The following NBEA variants were observed in gnomAD, a reference collection of about 807,000 sequenced individuals.
NBEA encodes the protein lysosomal-trafficking regulator 2.
In NBEA, 44 loss-of-function variants were observed where a neutral mutation model predicts 343.4. That is an observed-to-expected ratio of 0.13 (90% confidence interval 0.10 to 0.16). The LOEUF (loss-of-function observed/expected upper bound fraction) is 0.16. Among genes scored for constraint, NBEA ranks in the 10% least tolerant of loss-of-function variants. The probability of loss-of-function intolerance (pLI) is 1.00; values close to 1 mark genes in which losing one functional copy is unlikely to be tolerated. For missense variants in NBEA, 2,555 were observed against 3,631.3 expected (o/e 0.70, Z 7.62); for synonymous variants, 1,175 against 1,238.7 (o/e 0.95, Z 1.08).
chr13:35,669,293 A>G (rs1301648901), intron 58 of NBEA, among the ~76,000 whole-genome samples: 1 of 152,224 alleles, frequency 6.6e-6, no homozygotes, highest in African/African-American at 2.4e-5. Flanking sequence ...TGAATATGGC[A>G]TGTGATTTCT....
chr13:35,152,805 T>C (rs1318982096), intron 18 of NBEA, among the ~76,000 whole-genome samples: 1 of 152,112 alleles, frequency 6.6e-6, no homozygotes, highest in Non-Finnish European at 1.5e-5. Flanking sequence ...TGAGATGTGC[T>C]CTAAGTGTTA....
At chr13:35,606,612 TC>T in intron 48 of NBEA, 34 bp downstream of exon 48, 1 of 1,562,458 alleles carries the variant, frequency 6.4e-7, no homozygotes, top group Non-Finnish European at 8.7e-7. Flanking sequence ...TGGGCAGTCA[TC>T]AGGGAGTTAA....
At chr13:35,286,348 T>C (rs951147912) in intron 34 of NBEA, among the ~76,000 whole-genome samples, 3 of 152,136 alleles carry the variant, frequency 2.0e-5, no homozygotes, top group African/African-American at 7.2e-5. Context: ...CAATTAATAT[T>C]TACTGATAAT....
chr13:35,289,227 A>G (rs1183840907), intron 34 of NBEA, among the ~76,000 whole-genome samples: 1 of 151,936 alleles, frequency 6.6e-6, no homozygotes, highest in Non-Finnish European at 1.5e-5. Flanking sequence ...TGTTAAGACC[A>G]TGGCCTGCCT....
At chr13:35,574,226 T>C (rs906615887) in intron 45 of NBEA, among the ~76,000 whole-genome samples, 1 of 151,382 alleles carries the variant, frequency 6.6e-6, no homozygotes, top group African/African-American at 2.4e-5. Context: ...TTGCACTGGT[T>C]ATATAGATTG....
intron 41 of NBEA, among the ~76,000 whole-genome samples, chr13:35,515,413 T>C (rs986369340): frequency 2.0e-5 from 3 of 152,210 alleles, no homozygotes; most frequent in African/African-American, 7.2e-5. Flanking sequence ...AAAATACACA[T>C]AATGACTGTT....
chr13:35,161,032 G>A (rs1178752340), intron 22 of NBEA, among the ~76,000 whole-genome samples: 3 of 152,050 alleles, frequency 2.0e-5, no homozygotes, highest in South Asian at 2.1e-4. Context: ...ATAATATATC[G>A]TGTGTGGGGA....
At chr13:35,660,479 A>G (rs1455088485) in intron 55 of NBEA, among the ~76,000 whole-genome samples, 1 of 152,194 alleles carries the variant, frequency 6.6e-6, no homozygotes, top group Non-Finnish European at 1.5e-5. Flanking sequence ...CTTTTTAAAA[A>G]TAAGTATTTT....
At chr13:35,256,729 A>G (rs533573960) in intron 34 of NBEA, among the ~76,000 whole-genome samples, 1 of 152,248 alleles carries the variant, frequency 6.6e-6, no homozygotes, top group African/African-American at 2.4e-5. Flanking sequence ...CCACCCAAGC[A>G]TGTGCACGCC....
chr13:35,516,134 C>T (rs1432542997), intron 41 of NBEA, among the ~76,000 whole-genome samples: 1 of 152,120 alleles, frequency 6.6e-6, no homozygotes, highest in African/African-American at 2.4e-5. Context: ...GATCATATTA[C>T]AAGCTTAAAT....
chr13:35,558,910 G>C (rs1317760354), intron 44 of NBEA, among the ~76,000 whole-genome samples: 1 of 152,184 alleles, frequency 6.6e-6, no homozygotes, highest in Non-Finnish European at 1.5e-5. Context: ...CCTTGGAAAA[G>C]ATGAGCTTTA....
chr13:35,311,134 A>G (rs181259552), intron 36 of NBEA, among the ~76,000 whole-genome samples: 1 of 152,162 alleles, frequency 6.6e-6, no homozygotes, highest in Admixed American at 6.5e-5. Context: ...AGTGTTTTAC[A>G]TAACAGCACT....
Position 35,211,069 on chromosome 13 carries a change from G to GTCC in NBEA, c.5547_5549dup (p.Ser1855dup). 1 of 1,550,688 alleles carries GTCC rather than the reference G, an allele frequency of 6.4e-7. No homozygotes were observed. Among genetic ancestry groups the GTCC allele is most frequent in the South Asian group, 1.2e-5 (1 of 83,868 alleles). On this transcript the variant is annotated inframe_insertion, in exon 33 of 59. Coordinates refer to ENST00000379939, the MANE Select transcript of NBEA (RefSeq NM_001385012.1). The stretch of plus-strand genomic sequence containing the variant: ...TGGGAACAGGTGCCGTGGATTCAGG[G>GTCC]TCCTCCTCCTCTTCCTCCTCTTCTA...
intron 48 of NBEA, among the ~76,000 whole-genome samples, chr13:35,622,915 T>C (rs1281736915): frequency 6.6e-6 from 1 of 152,152 alleles, no homozygotes; most frequent in African/African-American, 2.4e-5. Context: ...CCAAACCTGC[T>C]AGAGAAAGAA....
intron 45 of NBEA, among the ~76,000 whole-genome samples, chr13:35,583,528 C>T (rs2081152213): frequency 1.3e-5 from 2 of 152,148 alleles, no homozygotes; most frequent in Admixed American, 1.3e-4. Context: ...CTTCACCTTC[C>T]CTCCATTGGG....
intron 17 of NBEA, among the ~76,000 whole-genome samples, chr13:35,138,459 C>CTTT (rs1230686366): frequency 5.0e-4 from 68 of 136,462 alleles, no homozygotes; most frequent in African/African-American, 1.6e-3. Context: ...AATTATGCTA[C>CTTT]TTTTTTTTTT....
At chr13:34,972,943 G>A (rs537062140) in intron 1 of NBEA, among the ~76,000 whole-genome samples, 21 of 152,272 alleles carry the variant, frequency 1.4e-4, no homozygotes, top group African/African-American at 4.8e-4. Context: ...CAATGTTCTC[G>A]TGCTGATTCT....
At chr13:35,111,948 G>A (rs1238220001) in intron 13 of NBEA, among the ~76,000 whole-genome samples, 1 of 119,496 alleles carries the variant, frequency 8.4e-6, no homozygotes, top group African/African-American at 3.4e-5. Context: ...ACGGAGTCTT[G>A]CTCTGTCACC....
At chr13:35,128,590 C>A (rs1270783092) in intron 17 of NBEA, among the ~76,000 whole-genome samples, 1 of 152,084 alleles carries the variant, frequency 6.6e-6, no homozygotes, top group Non-Finnish European at 1.5e-5. Flanking sequence ...TACTACAAGT[C>A]AGTAAGTTTA....
Sources: gnomAD v4.1 joint callset for allele counts (sites outside exome capture counted in the v4.1 genomes callset) on GRCh38, gnomAD v4.1.1 for gene constraint, MANE v1.5 for transcripts, NCBI Gene and HGNC (gene_info 2026-07-23, HGNC 2026-07-21) for gene names.